The following PLCB1 variants were observed in gnomAD, a reference collection of about 807,000 sequenced individuals.
PLCB1 encodes 1-phosphatidylinositol 4,5-bisphosphate phosphodiesterase beta-1.
In PLCB1, 46 loss-of-function variants were observed where a neutral mutation model predicts 161.8. The ratio of observed to expected loss-of-function variants is 0.28; its 90% CI spans 0.22 to 0.36. The LOEUF (loss-of-function observed/expected upper bound fraction) is 0.36, where lower values mean the gene tolerates loss of function less well. PLCB1 is among the 10% of genes least tolerant of loss of function. The pLI is 1.00. For missense variants in PLCB1, 1,016 were observed against 1,472.5 expected, an observed-to-expected ratio of 0.69 and a Z score of 5.07; for synonymous variants, 517 against 503.7, an observed-to-expected ratio of 1.03 and a Z score of -0.35.
chr20:8,874,612 A>T lies in PLCB1; in HGVS notation c.3424-7010A>T, dbSNP rs1987715688. Among the ~76,000 whole-genome samples, 5 of 152,018 alleles carry T rather than the reference A, an allele frequency of 3.3e-5. No homozygotes were observed. In the South Asian group the frequency reaches 1.0e-3, roughly 31 times the overall value. ...CGTATGCTTCAGTCTTTATGGGTGAAATGTCATGATGCCTGAAACATTTTC... is the reference window on the plus strand; with the variant it reads ...CGTATGCTTCAGTCTTTATGGGTGATATGTCATGATGCCTGAAACATTTTC... On this transcript the variant is annotated intron_variant, in intron 31 of 31. Transcript: ENST00000338037.
chr20:8,448,145 A>C (rs1980919715), intron 3 of PLCB1, among the ~76,000 whole-genome samples: 1 of 152,242 alleles, frequency 6.6e-6, no homozygotes, highest in Non-Finnish European at 1.5e-5. Flanking sequence ...GGCGCTTACT[A>C]GCTGGAACAA....
intron 2 of PLCB1, among the ~76,000 whole-genome samples, chr20:8,297,296 G>A (rs2745761): frequency 2.6e-5 from 4 of 152,018 alleles, no homozygotes; most frequent in Admixed American, 1.3e-4. Flanking sequence ...CCTAGTATGC[G>A]ACTATACCAC....
chr20:8,513,096 T>C (rs539717939), intron 3 of PLCB1, among the ~76,000 whole-genome samples: 1 of 152,238 alleles, frequency 6.6e-6, no homozygotes, highest in South Asian at 2.1e-4. Context: ...TTCATTTTTT[T>C]AAAATGTTTA....
At chr20:8,880,599 G>A (rs1316172950) in intron 31 of PLCB1, among the ~76,000 whole-genome samples, 1 of 152,156 alleles carries the variant, frequency 6.6e-6, no homozygotes, top group East Asian at 1.9e-4. Context: ...TTGTGAAAAT[G>A]TATCAAGCTG....
chr20:8,203,890 C>T lies in PLCB1; in HGVS notation c.177+53519C>T, dbSNP rs149941301. 1.5e-4 allele frequency among the ~76,000 whole-genome samples: 23 copies of T among 152,172 alleles called. No homozygotes were observed. The East Asian group carries it at 4.4e-3, about 29-fold the overall frequency. ...CCAGAATCCCCTGCAGGATTCAGCC[C>T]CAGTTGCCCATAGTGAAGGACTTGT... On this transcript the variant is annotated intron_variant, in intron 2 of 31. Transcript: ENST00000338037.
chr20:8,734,357 G>A (rs1202204379), intron 19 of PLCB1, among the ~76,000 whole-genome samples: 2 of 151,274 alleles, frequency 1.3e-5, no homozygotes, highest in East Asian at 1.9e-4. Flanking sequence ...TTTTTTCCCC[G>A]TTTGGTTCTT....
At chr20:8,686,319 T>A (rs767987867) in intron 10 of PLCB1, among the ~76,000 whole-genome samples, 1 of 152,212 alleles carries the variant, frequency 6.6e-6, no homozygotes, top group Non-Finnish European at 1.5e-5. Flanking sequence ...TTATAGAATC[T>A]TACATTTATC....
At chr20:8,159,791 C>T (rs2051601846) in intron 2 of PLCB1, among the ~76,000 whole-genome samples, 1 of 151,704 alleles carries the variant, frequency 6.6e-6, no homozygotes, top group South Asian at 2.1e-4. Flanking sequence ...AGTTCGGAAC[C>T]AGCCTGACCA....
chr20:8,754,137 C>G (rs886878658), intron 23 of PLCB1, among the ~76,000 whole-genome samples: 6 of 152,206 alleles, frequency 3.9e-5, no homozygotes, highest in Admixed American at 3.9e-4. Context: ...TAACATCTAT[C>G]TGCTTTTTAA....
chr20:8,316,940 T>G (rs149781728), intron 2 of PLCB1, among the ~76,000 whole-genome samples: 65 of 151,716 alleles, frequency 4.3e-4, no homozygotes, highest in African/African-American at 1.6e-3. Context: ...GCCTACTTTC[T>G]GTCTATACCC....
chr20:8,681,733 G>A (rs959612462), intron 9 of PLCB1, among the ~76,000 whole-genome samples: 2 of 152,120 alleles, frequency 1.3e-5, no homozygotes, highest in African/African-American at 4.8e-5. Flanking sequence ...TTAGAGATTG[G>A]GTTGTGTGAA....
intron 2 of PLCB1, among the ~76,000 whole-genome samples, chr20:8,161,952 A>G (rs1391691139): frequency 3.9e-5 from 6 of 151,962 alleles, no homozygotes; most frequent in Non-Finnish European, 8.8e-5. Flanking sequence ...CAGAAGTAAC[A>G]CTCCACATGA....
intron 2 of PLCB1, among the ~76,000 whole-genome samples, chr20:8,193,301 G>A (rs2051989387): frequency 6.6e-6 from 1 of 151,878 alleles, no homozygotes; most frequent in African/African-American, 2.4e-5. Flanking sequence ...TCTGTACGAT[G>A]CATAAAAAGC....
chr20:8,265,086 A>AC (rs1464863092), intron 2 of PLCB1, among the ~76,000 whole-genome samples: 2 of 152,134 alleles, frequency 1.3e-5, no homozygotes, highest in African/African-American at 2.4e-5. Context: ...CTGACACTGT[A>AC]CAGAATTCTA....
At chr20:8,380,893 A>G (rs1012780202) in intron 3 of PLCB1, among the ~76,000 whole-genome samples, 1 of 152,096 alleles carries the variant, frequency 6.6e-6, no homozygotes, top group Non-Finnish European at 1.5e-5. Flanking sequence ...CTGCAGACAG[A>G]GACAAGTTGA....
At chr20:8,137,814 G>C (rs557687434) in intron 1 of PLCB1, among the ~76,000 whole-genome samples, 54 of 152,204 alleles carry the variant, frequency 3.5e-4, no homozygotes, top group Non-Finnish European at 7.4e-4. Flanking sequence ...GTTTGGTTTT[G>C]CTTGTTTTTA....
At chr20:8,263,375 G>A (rs2743166) in intron 2 of PLCB1, among the ~76,000 whole-genome samples, 7,514 of 152,220 alleles carry the variant, frequency 0.049, 621 homozygotes, top group African/African-American at 0.17. Context: ...TATTATTTCA[G>A]ATTGTGACAT....
intron 3 of PLCB1, among the ~76,000 whole-genome samples, chr20:8,512,710 T>C (rs1983940306): frequency 6.6e-6 from 1 of 152,124 alleles, no homozygotes; most frequent in Admixed American, 6.5e-5. Context: ...ATGTACAATA[T>C]GGGGAGCAAT....
intron 8 of PLCB1, 120 bp downstream of exon 8, chr20:8,657,404 A>G: frequency 1.4e-6 from 1 of 694,094 alleles, no homozygotes; most frequent in South Asian, 1.6e-5. Flanking sequence ...TCTAAAAGCA[A>G]TATTCCTGTG....
Sources: allele counts gnomAD v4.1 joint callset (sites outside exome capture counted in the v4.1 genomes callset), GRCh38; gene constraint gnomAD v4.1.1; transcripts MANE v1.5; gene names NCBI Gene and HGNC (gene_info 2026-07-23, HGNC 2026-07-21).